Variants in TENT5C observed in about 807,000 individuals in gnomAD.
The protein encoded by TENT5C is family with sequence similarity 46 member C.
A neutral mutation model predicts 22.2 loss-of-function variants in TENT5C; 5 were observed. The observed-to-expected ratio is 0.22, with a 90% CI of 0.12 to 0.47. The LOEUF (loss-of-function observed/expected upper bound fraction) is 0.47. Among genes scored for constraint, TENT5C ranks in the 20% least tolerant of loss-of-function variants. The pLI, the probability that TENT5C is intolerant of heterozygous loss-of-function variation, is 0.99. For missense variants in TENT5C, 364 were observed against 500.9 expected, an observed-to-expected ratio of 0.73 and a Z score of 2.61; for synonymous variants, 199 against 195.4, an observed-to-expected ratio of 1.02 and a Z score of -0.15.
At position 117,624,049 on chromosome 1, in the gene TENT5C, G is replaced by A. The variant is rs773152594; in HGVS notation, c.*5G>A. ...ACCTGGCTGCCCTGTAACTAACCTT[G>A]AGACCTGAGGGTTTCCACAGTGGGA... is the stretch of plus-strand genomic sequence containing the variant. On this transcript the variant is annotated 3_prime_UTR_variant, in exon 2 of 2. Coordinates refer to ENST00000369448, the MANE Select transcript of TENT5C (RefSeq NM_017709.4). 6.2e-7 allele frequency: 1 copy of A among 1,606,040 alleles called. No individual in the cohort carries two copies. Among genetic ancestry groups the A allele is most frequent in the South Asian group, 1.1e-5 (1 of 89,452 alleles).
At chr1:117,608,881 C>T (rs181734328) in intron 1 of TENT5C, among the ~76,000 whole-genome samples, 1 of 151,208 alleles carries the variant, frequency 6.6e-6, no homozygotes, top group Admixed American at 6.6e-5. Context: ...CTGGGTGTAT[C>T]TGCTATTTTG....
At chr1:117,618,040 A>G (rs1467134090) in intron 1 of TENT5C, among the ~76,000 whole-genome samples, 1 of 152,204 alleles carries the variant, frequency 6.6e-6, no homozygotes, top group Non-Finnish European at 1.5e-5. Flanking sequence ...ACTCCTCTCT[A>G]TGTAAATCAT....
chr1:117,621,474 G>C (rs181884714), intron 1 of TENT5C, among the ~76,000 whole-genome samples: 67 of 152,220 alleles, frequency 4.4e-4, no homozygotes, highest in African/African-American at 1.6e-3. Context: ...CTTGATGGGA[G>C]AGCCTGAAGA....
intron 1 of TENT5C, among the ~76,000 whole-genome samples, chr1:117,619,587 T>C (rs1375003992): frequency 2.6e-5 from 4 of 152,140 alleles, no homozygotes; most frequent in Non-Finnish European, 5.9e-5. Flanking sequence ...ATGTGACTTA[T>C]TTAAAAAAAA....
intron 1 of TENT5C, among the ~76,000 whole-genome samples, chr1:117,618,447 TAGAA>T (rs1459394440): frequency 1.2e-4 from 18 of 151,682 alleles, no homozygotes; most frequent in Non-Finnish European, 2.9e-5. Context: ...AGAAACTTGA[TAGAA>T]AGGCATTCTA....
Position 117,623,450 on chromosome 1 carries a change from C to T in TENT5C, c.582C>T (p.Phe194=), listed in dbSNP as rs1235257946. 5.6e-6 allele frequency: 9 copies of T among 1,614,040 alleles called. No homozygotes were observed. Among genetic ancestry groups the T allele is most frequent in the African/African-American group, 1.3e-5 (1 of 74,926 alleles). Residue 194 remains phenylalanine (F), a synonymous_variant, in exon 2 of 2, where the codon TTC becomes TTT. Transcript: ENST00000369448. The part of the protein sequence containing the change: ...FQIILDSLLF[F]YDCSNNPISE... ...TCATCCTGGATTCTTTGCTTTTCTTCTATGACTGTTCCAATAATCCCATCT... is the reference window on the plus strand; with the variant it reads ...TCATCCTGGATTCTTTGCTTTTCTTTTATGACTGTTCCAATAATCCCATCT...
intron 1 of TENT5C, among the ~76,000 whole-genome samples, chr1:117,621,326 AGTGAAC>A (rs1224897526): frequency 6.6e-6 from 1 of 152,160 alleles, no homozygotes; most frequent in Non-Finnish European, 1.5e-5. Flanking sequence ...CCTCTCCATA[AGTGAAC>A]TCCGTGACCT....
chr1:117,622,864 T>C lies in TENT5C; in HGVS notation c.-5T>C. 1 of 1,604,534 alleles carries C rather than the reference T, an allele frequency of 6.2e-7. No individual in the cohort carries two copies. The highest frequency in any genetic ancestry group is 8.5e-7 in the Non-Finnish European group (1 of 1,172,024). ...CAGTTTCCCCAGCCAGAACATCCCC[T>C]GAAGATGGCAGAGGAGAGCAGCTGT... is the stretch of plus-strand genomic sequence containing the variant. On this transcript the variant is annotated 5_prime_UTR_variant, in exon 2 of 2. Transcript: ENST00000369448.
At chr1:117,608,181 A>G (rs1029963232) in intron 1 of TENT5C, among the ~76,000 whole-genome samples, 1 of 152,128 alleles carries the variant, frequency 6.6e-6, no homozygotes, top group African/African-American at 2.4e-5. Flanking sequence ...ATTAACAGCC[A>G]TATTTCTTAC....
rs1336462146 is a variant in TENT5C at position 117,606,130 on chromosome 1, GTCGCCTCC to G, written c.-48_-41del. 1 of 152,516 alleles carries G rather than the reference GTCGCCTCC, an allele frequency of 6.6e-6. No homozygotes were observed. The highest frequency in any genetic ancestry group is 1.5e-5 in the Non-Finnish European group (1 of 68,328). The allele number at this position is 152,516 out of a possible 1,614,324, so 9.4% of individuals were successfully genotyped here. ...CTGCCCACGCCAAGGACCTGCCTCT[GTCGCCTCC>G]TCTTCTATTGCCCAGGTGAGTCCGC... On this transcript the variant is annotated 5_prime_UTR_variant, in exon 1 of 2. Transcript: ENST00000369448.
rs1274634759 is a variant in TENT5C at position 117,627,455 on chromosome 1, G to T, written c.*3411G>T. 2 of 248,020 alleles carry T rather than the reference G, an allele frequency of 8.1e-6. No homozygotes were observed. Among genetic ancestry groups the T allele is most frequent in the East Asian group, 1.2e-4 (2 of 16,608 alleles). The allele number at this position is 248,020 out of a possible 1,614,324, so 15.4% of individuals were successfully genotyped here. ...CCTTTGTAGTTTACTTTCTGGTACT[G>T]GTTGGTGCCTTGTATTGGGATACAG... On this transcript the variant is annotated 3_prime_UTR_variant, in exon 2 of 2. Coordinates refer to ENST00000369448, the MANE Select transcript of TENT5C (RefSeq NM_017709.4).
At chr1:117,620,200 A>T (rs888479465) in intron 1 of TENT5C, among the ~76,000 whole-genome samples, 1 of 152,206 alleles carries the variant, frequency 6.6e-6, no homozygotes, top group Non-Finnish European at 1.5e-5. Flanking sequence ...TCCTGACTTT[A>T]ATCCTACATG....
In TENT5C at chr1:117,625,834, A is replaced by G. The variant is rs1653999198; in HGVS notation, c.*1790A>G. ...GACTGAAACTCAAGGCTTAGCTGGT[A>G]TCTATGTTGTGCTACATTAGGTGAC... On this transcript the variant is annotated 3_prime_UTR_variant, in exon 2 of 2. Transcript: ENST00000369448. 2 of 248,002 alleles carry G rather than the reference A, an allele frequency of 8.1e-6. No homozygotes were observed. Among genetic ancestry groups the G allele is most frequent in the Admixed American group, 5.6e-5 (1 of 17,784 alleles). The allele number at this position is 248,002 out of a possible 1,614,324, so 15.4% of individuals were successfully genotyped here.
chr1:117,624,148 C>A lies in TENT5C; in HGVS notation c.*104C>A. 19 of 902,130 alleles carry A rather than the reference C, an allele frequency of 2.1e-5. No homozygotes were observed. The highest frequency in any genetic ancestry group is 3.0e-4 in the Middle Eastern group (1 of 3,288). 55.9% of individuals were successfully genotyped at this position (902,130 alleles called of 1,614,324 possible). On this transcript the variant is annotated 3_prime_UTR_variant, in exon 2 of 2. Transcript: ENST00000369448. ...TAGGCATTTGGCTTTTAAAGGGGAA[C>A]TCAGCTCTGATTCTGCTTTTTTTTT...
chr1:117,618,107 A>G (rs1171673686), intron 1 of TENT5C, among the ~76,000 whole-genome samples: 1 of 152,242 alleles, frequency 6.6e-6, no homozygotes, highest in Non-Finnish European at 1.5e-5. Flanking sequence ...CATGTCCCAC[A>G]CTGTGCTTTT....
In TENT5C at chr1:117,612,880, T is replaced by C. The variant is rs909522520; in HGVS notation, c.-28+6727T>C. Reference sequence around the variant, plus strand: ...GACTTTTAGCTGACTGAGGTCTTCCTTTTGGACAACTGTTTAAAGCTGTAG... The same window carrying C: ...GACTTTTAGCTGACTGAGGTCTTCCCTTTGGACAACTGTTTAAAGCTGTAG... On this transcript the variant is annotated intron_variant, in intron 1 of 1. Coordinates refer to ENST00000369448, the MANE Select transcript of TENT5C (RefSeq NM_017709.4). Among the ~76,000 whole-genome samples, 3 of 152,332 alleles carry C rather than the reference T, an allele frequency of 2.0e-5. No individual in the cohort carries two copies. In the South Asian group the frequency reaches 6.2e-4, roughly 32 times the overall value.
chr1:117,620,433 A>G (rs556909852), intron 1 of TENT5C, among the ~76,000 whole-genome samples: 2 of 152,350 alleles, frequency 1.3e-5, no homozygotes, highest in Non-Finnish European at 2.9e-5. Flanking sequence ...CACACTAGCA[A>G]GTGAGTTGTA....
At chr1:117,622,563 C>G (rs1320325463) in intron 1 of TENT5C, among the ~76,000 whole-genome samples, 1 of 151,960 alleles carries the variant, frequency 6.6e-6, no homozygotes, top group Non-Finnish European at 1.5e-5. Context: ...GAAACACACT[C>G]CGTTTCAGCA....
chr1:117,609,556 T>C (rs1203812656), intron 1 of TENT5C, among the ~76,000 whole-genome samples: 1 of 152,196 alleles, frequency 6.6e-6, no homozygotes, highest in African/African-American at 2.4e-5. Context: ...AGTTAAGTGC[T>C]TCCTAGGCAG....
Sources: allele counts gnomAD v4.1 joint callset (sites outside exome capture counted in the v4.1 genomes callset), GRCh38; gene constraint gnomAD v4.1.1; transcripts MANE v1.5; gene names NCBI Gene and HGNC (gene_info 2026-07-23, HGNC 2026-07-21).